MIS18A: variants seen among roughly 807,000 people sequenced by gnomAD.
MIS18A encodes the protein protein Mis18-alpha.
MIS18A carries 14 observed loss-of-function variants against 25.0 expected under a neutral mutation model. The observed-to-expected ratio is 0.56, with a 90% CI of 0.37 to 0.88. The LOEUF (loss-of-function observed/expected upper bound fraction) is 0.88, where lower values mean the gene tolerates loss of function less well. Ranked by LOEUF, MIS18A falls within the 40% of genes least tolerant of loss-of-function variation. The pLI is 0.00. For synonymous variants in MIS18A, 134 were observed against 118.6 expected (o/e 1.13, Z -0.84); for missense variants, 292 against 290.8 (o/e 1.00, Z -0.03).
the MIS18A span, among the ~76,000 whole-genome samples, chr21:32,238,294 C>A: frequency 1.2e-4 from 18 of 152,272 alleles, no homozygotes; most frequent in Non-Finnish European, 2.1e-4. Flanking sequence ...AATAACCCCC[C>A]AAATCTCAGT....
the MIS18A span, among the ~76,000 whole-genome samples, chr21:32,168,948 G>A: frequency 6.6e-6 from 1 of 152,106 alleles, no homozygotes; most frequent in African/African-American, 2.4e-5. Context: ...AGGCACTTCT[G>A]GATTGATGGG....
the MIS18A span, among the ~76,000 whole-genome samples, chr21:32,251,725 C>T: frequency 6.6e-6 from 1 of 152,164 alleles, no homozygotes; most frequent in Admixed American, 6.5e-5. Flanking sequence ...TGAAGGCAAC[C>T]AAAAAGTTAG....
At chr21:32,274,946 A>T (rs1259135196) in intron 1 of MIS18A, 50 bp from the exon 2 acceptor site, 1 of 1,440,084 alleles carries the variant, frequency 6.9e-7, no homozygotes. Flanking sequence ...TCGTTATAAC[A>T]TACCTGCAGA....
chr21:32,276,691 G>A (rs1275363448), intron 1 of MIS18A, among the ~76,000 whole-genome samples: 1 of 151,974 alleles, frequency 6.6e-6, no homozygotes, highest in African/African-American at 2.4e-5. Flanking sequence ...AGCACTTTAG[G>A]AGGCCGAAGC....
the MIS18A span, among the ~76,000 whole-genome samples, chr21:32,205,487 AT>A: frequency 4.3e-4 from 66 of 152,028 alleles, no homozygotes; most frequent in African/African-American, 1.6e-3. Flanking sequence ...CCCCATTTTC[AT>A]TTTTCCCCCA....
chr21:32,274,771 T>C, intron 2 of MIS18A, 59 bp downstream of exon 2: 1 of 1,369,810 alleles, frequency 7.3e-7, no homozygotes, highest in East Asian at 2.4e-5. Context: ...AATGACCTTT[T>C]AAAGATTTTT....
the MIS18A span, among the ~76,000 whole-genome samples, chr21:32,171,105 A>G: frequency 1.3e-5 from 2 of 152,100 alleles, no homozygotes; most frequent in Non-Finnish European, 2.9e-5. Context: ...TGCCTCTTCT[A>G]TCCAACATTA....
At chr21:32,193,563 C>T in the MIS18A span, among the ~76,000 whole-genome samples, 5 of 152,072 alleles carry the variant, frequency 3.3e-5, no homozygotes, top group Non-Finnish European at 7.3e-5. Flanking sequence ...CCATAATGAG[C>T]TCTGGAATTG....
downstream of MIS18A, among the ~76,000 whole-genome samples, chr21:32,263,615 C>T (rs980196674): frequency 2.0e-5 from 3 of 151,926 alleles, no homozygotes; most frequent in Admixed American, 6.6e-5. Flanking sequence ...TAAATAAAAT[C>T]GTATTTCCAG....
chr21:32,251,836 T>G, the MIS18A span, among the ~76,000 whole-genome samples: 2 of 152,188 alleles, frequency 1.3e-5, no homozygotes, highest in African/African-American at 2.4e-5. Context: ...ATTTATGCAC[T>G]TGTGTTTATG....
At chr21:32,238,544 G>A in the MIS18A span, among the ~76,000 whole-genome samples, 2 of 152,106 alleles carry the variant, frequency 1.3e-5, no homozygotes, top group Non-Finnish European at 2.9e-5. Flanking sequence ...AGTGCTAGAC[G>A]ATGCACAGGG....
the MIS18A span, among the ~76,000 whole-genome samples, chr21:32,227,413 T>A: frequency 6.6e-6 from 1 of 151,680 alleles, no homozygotes; most frequent in South Asian, 2.1e-4. Flanking sequence ...AATAGGATTA[T>A]AACAAAAAAC....
At chr21:32,175,422 A>C in the MIS18A span, among the ~76,000 whole-genome samples, 1 of 152,136 alleles carries the variant, frequency 6.6e-6, no homozygotes, top group Non-Finnish European at 1.5e-5. Flanking sequence ...TTCTTCAAGA[A>C]TAAACCTTAG....
the MIS18A span, among the ~76,000 whole-genome samples, chr21:32,217,922 A>G: frequency 0.51 from 76,877 of 151,814 alleles, 20,679 homozygotes; most frequent in African/African-American, 0.69. Context: ...AGCTGGGTGC[A>G]GTGGCTCACA....
the MIS18A span, among the ~76,000 whole-genome samples, chr21:32,257,750 C>T: frequency 6.6e-6 from 1 of 152,182 alleles, no homozygotes; most frequent in Non-Finnish European, 1.5e-5. Flanking sequence ...GTTGGAGGCT[C>T]CGTAGGACAC....
At chr21:32,249,770 G>A in the MIS18A span, among the ~76,000 whole-genome samples, 1 of 152,156 alleles carries the variant, frequency 6.6e-6, no homozygotes, top group Non-Finnish European at 1.5e-5. Flanking sequence ...AACTAATAGA[G>A]CTGAAAACTC....
At chr21:32,250,404 C>T in the MIS18A span, among the ~76,000 whole-genome samples, 1 of 152,296 alleles carries the variant, frequency 6.6e-6, no homozygotes, top group African/African-American at 2.4e-5. Flanking sequence ...CAAGGTCACC[C>T]TCACACTCAT....
At chr21:32,262,253 T>C in the MIS18A span, among the ~76,000 whole-genome samples, 3 of 152,218 alleles carry the variant, frequency 2.0e-5, no homozygotes, top group Non-Finnish European at 2.9e-5. Context: ...TTAAGTGCTA[T>C]CTTAGAAAAG....
Position 32,278,725 on chromosome 21 carries a change from C to T in MIS18A, c.290G>A (p.Ser97Asn). ...GGTGTCCTCCTGGCTGGCCACCCAG[C>T]TCAGCGAGTCGCCCAGCGGCCGCCG... ...GCRRPLGDSL[S>N]WVASQEDTNC... Residue 97 changes from serine to asparagine, a missense_variant, in exon 1 of 5, where the codon AGC becomes AAC. Coordinates refer to ENST00000290130, the MANE Select transcript of MIS18A (RefSeq NM_018944.3). 1 of 1,581,164 alleles carries T rather than the reference C, an allele frequency of 6.3e-7. No homozygotes were observed. Among genetic ancestry groups the T allele is most frequent in the South Asian group, 1.1e-5 (1 of 88,254 alleles).
Sources: gnomAD v4.1 joint callset for allele counts (sites outside exome capture counted in the v4.1 genomes callset) on GRCh38, gnomAD v4.1.1 for gene constraint, MANE v1.5 for transcripts, NCBI Gene and HGNC (gene_info 2026-07-23, HGNC 2026-07-21) for gene names.